Variants in SYNE1 observed in about 807,000 individuals in gnomAD.
SYNE1 encodes the protein spectrin repeat containing nuclear envelope protein 1.
Under a neutral mutation model 1,111.0 loss-of-function variants are expected in SYNE1, and 616 were observed. That is an observed-to-expected ratio of 0.55 (90% confidence interval 0.52 to 0.59). The LOEUF (loss-of-function observed/expected upper bound fraction) is 0.59. Among genes scored for constraint, SYNE1 ranks in the 20% least tolerant of loss-of-function variants. The probability of loss-of-function intolerance (pLI) is 0.00; values close to 1 mark genes in which losing one functional copy is unlikely to be tolerated. For missense variants in SYNE1, 10,006 were observed against 10,417.0 expected (o/e 0.96, Z 1.72); for synonymous variants, 3,855 against 3,825.8 (o/e 1.01, Z -0.28).
At chr6:152,623,780 C>T (rs186855253) in intron 3 of SYNE1, among the ~76,000 whole-genome samples, 146 of 152,160 alleles carry the variant, frequency 9.6e-4, no homozygotes, top group Non-Finnish European at 2.6e-4. Context: ...TTAATCAAGG[C>T]ATTATAAAAA....
At position 152,308,606 on chromosome 6, in the gene SYNE1, A is replaced by T; in HGVS notation, c.17229T>A (p.Tyr5743Ter). The T allele has an allele frequency of 6.2e-7, 1 of 1,612,038 alleles. No individual in the cohort carries two copies. The highest frequency in any genetic ancestry group is 8.5e-7 in the Non-Finnish European group (1 of 1,179,710). ...MQEAVVQYEQ[Y>*]EQEMKHLQQL... Reference sequence around the variant, plus strand: ...GCTGGAGATGTTTCATTTCTTGCTCATATTGTTCATATTGTACCACAGCTT... The same window carrying T: ...GCTGGAGATGTTTCATTTCTTGCTCTTATTGTTCATATTGTACCACAGCTT... The change falls in exon 91 of 146, where the codon TAT becomes TAA. Residue 5743 changes from tyrosine (Y) to a stop codon, truncating the protein, a stop_gained. Transcript: ENST00000367255. LOFTEE classifies it high-confidence loss of function.
At chr6:152,393,880 G>A (rs1043458819) in intron 51 of SYNE1, among the ~76,000 whole-genome samples, 1 of 152,210 alleles carries the variant, frequency 6.6e-6, no homozygotes, top group South Asian at 2.1e-4. Context: ...AGAATGTGCA[G>A]GTTTGTTACA....
chr6:152,509,293 C>T (rs1318188147), intron 8 of SYNE1, among the ~76,000 whole-genome samples: 1 of 128,178 alleles, frequency 7.8e-6, no homozygotes, highest in Non-Finnish European at 1.6e-5. Flanking sequence ...CTCTGTCGCT[C>T]AGACTGGAGT....
In SYNE1 at chr6:152,236,850, C is replaced by A. The variant is rs559855055; in HGVS notation, c.20166G>T (p.Glu6722Asp). The A allele has an allele frequency of 6.2e-7, 1 of 1,614,152 alleles. No homozygotes were observed. Among genetic ancestry groups the A allele is most frequent in the Admixed American group, 1.7e-5 (1 of 60,018 alleles). Reference protein sequence around the residue: ...IPSVGLVEENEDRLIDRITLY... With the variant: ...IPSVGLVEENDDRLIDRITLY... ...GTGTTATGCGGTCAATAAGCCTGTC[C>A]TCGTTCTCCTCCACCAGACCCACGC... Residue 6722 changes from glutamate to aspartate, a missense_variant, in exon 109 of 146, where the codon GAG becomes GAT. This residue lies in a region of SYNE1 where 2,182 missense variants were observed against 2,287.8 expected (regional missense o/e 0.95). Coordinates refer to ENST00000367255, the MANE Select transcript of SYNE1 (RefSeq NM_182961.4).
intron 16 of SYNE1, among the ~76,000 whole-genome samples, chr6:152,471,219 TTGAATTTTAAAAGACATGAA>T (rs1188761356): frequency 3.9e-5 from 6 of 152,192 alleles, no homozygotes; most frequent in Non-Finnish European, 5.9e-5. Context: ...CTAGTCATAG[TTGAATTTTAAAAGACATGAA>T]GGTAATCTTT....
intron 32 of SYNE1, among the ~76,000 whole-genome samples, chr6:152,437,471 TG>T (rs1365657893): frequency 6.6e-6 from 1 of 152,320 alleles, no homozygotes; most frequent in African/African-American, 2.4e-5. Context: ...TACTGATTAT[TG>T]TTTTTTATGT....
intron 40 of SYNE1, among the ~76,000 whole-genome samples, chr6:152,417,798 T>G (rs1279326448): frequency 6.6e-6 from 1 of 152,142 alleles, no homozygotes; most frequent in Non-Finnish European, 1.5e-5. Flanking sequence ...ATTTAAAAAT[T>G]TAAAAGATGT....
chr6:152,444,265 G>A (rs899815901), intron 30 of SYNE1, 146 bp downstream of exon 30: 30 of 820,768 alleles, frequency 3.7e-5, no homozygotes, highest in South Asian at 1.6e-5. Context: ...ACCCAGAAGC[G>A]CCAAATTCTT....
intron 14 of SYNE1, among the ~76,000 whole-genome samples, chr6:152,473,013 TAATTATAGACTG>T (rs1402434162): frequency 1.3e-5 from 2 of 152,202 alleles, no homozygotes; most frequent in African/African-American, 4.8e-5. Context: ...TAATAAATAT[TAATTATAGACTG>T]TATAGAACTC....
intron 95 of SYNE1, among the ~76,000 whole-genome samples, chr6:152,293,114 A>G (rs2094689820): frequency 6.6e-6 from 1 of 152,372 alleles, no homozygotes; most frequent in South Asian, 2.1e-4. Context: ...GACAATCACA[A>G]GATGAGACTT....
At chr6:152,177,888 AT>A (rs1044456643) in intron 129 of SYNE1, among the ~76,000 whole-genome samples, 1 of 151,966 alleles carries the variant, frequency 6.6e-6, no homozygotes, top group Non-Finnish European at 1.5e-5. Context: ...CTTGGCTTCA[AT>A]TTTTTTTATG....
At chr6:152,380,937 TAAGGAA>T in intron 56 of SYNE1, 63 bp downstream of exon 56, 1 of 1,498,940 alleles carries the variant, frequency 6.7e-7, no homozygotes, top group Admixed American at 1.7e-5. Context: ...ATTTTTTTTT[TAAGGAA>T]TGATGAAAGT....
In SYNE1 at chr6:152,122,392, C is replaced by T. The variant is rs945323176; in HGVS notation, c.*44G>A. 2 of 1,613,606 alleles carry T rather than the reference C, an allele frequency of 1.2e-6. No homozygotes were observed. Among genetic ancestry groups the T allele is most frequent in the Non-Finnish European group, 8.5e-7 (1 of 1,180,038 alleles). On this transcript the variant is annotated 3_prime_UTR_variant, in exon 146 of 146. Transcript: ENST00000367255. ...AGTTTGGGATTGCTTATGACCCGAT[C>T]CTCCTTATGCTACCAGCACTTCTGC...
At chr6:152,365,524 A>T (rs920712032) in intron 62 of SYNE1, among the ~76,000 whole-genome samples, 6 of 152,084 alleles carry the variant, frequency 3.9e-5, no homozygotes, top group African/African-American at 1.2e-4. Context: ...CAGTGGTGTA[A>T]TCATAGTTCA....
chr6:152,564,749 T>C (rs187031996), intron 3 of SYNE1, among the ~76,000 whole-genome samples: 19 of 152,262 alleles, frequency 1.2e-4, no homozygotes, highest in Admixed American at 3.9e-4. Context: ...GAAATATGAA[T>C]TTCCTCAACA....
At chr6:152,627,461 G>A (rs2695247) in intron 3 of SYNE1, among the ~76,000 whole-genome samples, 1 of 149,440 alleles carries the variant, frequency 6.7e-6, no homozygotes, top group Non-Finnish European at 1.5e-5. Context: ...GAGGCCAGCC[G>A]GGTCAACATG....
chr6:152,428,130 C>T, intron 37 of SYNE1, 75 bp downstream of exon 37: 1 of 1,577,008 alleles, frequency 6.3e-7, no homozygotes, highest in Non-Finnish European at 8.7e-7. Context: ...ATAACTACTC[C>T]CCATCACTTT....
rs147631683 is a variant in SYNE1 at position 152,362,212 on chromosome 6, A to C, written c.10257T>G (p.His3419Gln). The C allele has an allele frequency of 2.5e-6, 4 of 1,614,112 alleles. No individual in the cohort carries two copies. The African/African-American group carries it at 4.0e-5, about 16-fold the overall frequency. ...TCGTTGTTTTATCCCGCAGCTCCGC[A>C]TGCTGCCTTTCTGATTCATTCAGGT... The part of the protein sequence containing the change: ...EANLNESERQ[H>Q]AELRDKTTML... Residue 3419 changes from histidine (H) to glutamine (Q), a missense_variant, in exon 64 of 146, where the codon CAT (histidine) becomes CAG (glutamine). His to Gln is a conservative substitution (Grantham distance 24). Transcript: ENST00000367255.
At chr6:152,605,816 TA>T (rs1216188982) in intron 3 of SYNE1, among the ~76,000 whole-genome samples, 4 of 152,200 alleles carry the variant, frequency 2.6e-5, no homozygotes, top group African/African-American at 9.6e-5. Context: ...TTTGCTAATT[TA>T]AAAAGGTATT....
Sources: allele counts gnomAD v4.1 joint callset (sites outside exome capture counted in the v4.1 genomes callset), GRCh38; gene constraint gnomAD v4.1.1; regional missense constraint gnomAD v4.1.1; transcripts MANE v1.5; gene names NCBI Gene and HGNC (gene_info 2026-07-23, HGNC 2026-07-21).